Variants in NBEA observed in about 807,000 individuals in gnomAD.
NBEA encodes the protein neurobeachin.
Under a neutral mutation model 343.4 loss-of-function variants are expected in NBEA, and 44 were observed. The observed-to-expected ratio is 0.13, with a 90% CI of 0.10 to 0.16. The LOEUF (loss-of-function observed/expected upper bound fraction) is 0.16, where lower values mean the gene tolerates loss of function less well. Ranked by LOEUF, NBEA falls within the 10% of genes least tolerant of loss-of-function variation. NBEA has a pLI of 1.00. For synonymous variants in NBEA, 1,175 were observed against 1,238.7 expected (o/e 0.95, Z 1.08); for missense variants, 2,555 against 3,631.3 (o/e 0.70, Z 7.62).
chr13:35,560,419 G>A (rs1342127320), intron 44 of NBEA, among the ~76,000 whole-genome samples: 1 of 152,144 alleles, frequency 6.6e-6, no homozygotes, highest in Non-Finnish European at 1.5e-5. Context: ...TGTAGATACT[G>A]ATATTCTAGT....
intron 11 of NBEA, among the ~76,000 whole-genome samples, chr13:35,101,583 T>C (rs2152644404): frequency 6.6e-6 from 1 of 151,982 alleles, no homozygotes. Context: ...AGGAGTTTTT[T>C]TTTAATATTC....
intron 31 of NBEA, among the ~76,000 whole-genome samples, chr13:35,207,800 A>G: frequency 6.6e-6 from 1 of 152,180 alleles, no homozygotes; most frequent in Non-Finnish European, 1.5e-5. Flanking sequence ...CATTCTAATA[A>G]TATTCCTACT....
chr13:35,471,036 G>A (rs1425691121), intron 40 of NBEA, among the ~76,000 whole-genome samples: 1 of 152,174 alleles, frequency 6.6e-6, no homozygotes, highest in Non-Finnish European at 1.5e-5. Flanking sequence ...GGGGGATCGA[G>A]AGCAGTGAAA....
chr13:35,432,289 G>A lies in NBEA; in HGVS notation c.6200G>A (p.Arg2067His), dbSNP rs755782734. 1.9e-5 allele frequency: 31 copies of A among 1,601,118 alleles called. No homozygotes were observed. The highest frequency in any genetic ancestry group is 6.7e-5 in the African/African-American group (5 of 74,548). ...VSHSQLHDFW[R>H]LDYWEDDLRR... ...CTTAGCCAATTGCATGATTTCTGGCGTTTGGATTACTGGGAAGATGATCTT... is the reference window on the plus strand; with the variant it reads ...CTTAGCCAATTGCATGATTTCTGGCATTTGGATTACTGGGAAGATGATCTT... The change falls in exon 39 of 59, where the codon CGT becomes CAT. Residue 2067 changes from arginine (R) to histidine (H), a missense_variant. Physicochemically the swap from Arg to His is conservative, Grantham distance 29 (BLOSUM62 0). Transcript: ENST00000379939.
intron 16 of NBEA, among the ~76,000 whole-genome samples, chr13:35,122,208 A>G (rs1345941876): frequency 1.3e-5 from 2 of 152,106 alleles, no homozygotes; most frequent in East Asian, 3.9e-4. Context: ...TGAACAATAT[A>G]CTTGTTAAAA....
At chr13:35,531,919 A>G (rs1010849070) in intron 41 of NBEA, among the ~76,000 whole-genome samples, 17 of 152,152 alleles carry the variant, frequency 1.1e-4, no homozygotes, top group Admixed American at 8.5e-4. Flanking sequence ...TGCCATATGT[A>G]AAAGCAAAGC....
At chr13:35,238,449 A>G (rs1230098366) in intron 34 of NBEA, among the ~76,000 whole-genome samples, 2 of 152,198 alleles carry the variant, frequency 1.3e-5, no homozygotes, top group Non-Finnish European at 2.9e-5. Context: ...TCCCAGACCA[A>G]CTTCTCTTGC....
Position 35,655,774 on chromosome 13 carries a change from C to G in NBEA, c.8362+25C>G, listed in dbSNP as rs746047823. 15 of 1,585,314 alleles carry G rather than the reference C, an allele frequency of 9.5e-6. No homozygotes were observed. In the African/African-American group the frequency reaches 1.5e-4, roughly 16 times the overall value. On this transcript the variant is annotated intron_variant, in intron 55 of 58. Coordinates refer to ENST00000379939, the MANE Select transcript of NBEA (RefSeq NM_001385012.1). ...AGTGAGTGTTTGTATCAAATTTGTC[C>G]TATCAAACTATAGTTTATTTAAATA...
intron 34 of NBEA, among the ~76,000 whole-genome samples, chr13:35,271,700 G>T (rs1594025672): frequency 6.6e-6 from 1 of 152,300 alleles, no homozygotes; most frequent in South Asian, 2.1e-4. Context: ...CGAGAACTTG[G>T]TGAAGCATAC....
chr13:35,191,464 C>G (rs999784660), intron 30 of NBEA, among the ~76,000 whole-genome samples: 20 of 152,026 alleles, frequency 1.3e-4, no homozygotes, highest in African/African-American at 4.6e-4. Context: ...TCTTTTCATA[C>G]ACTTAGTGTA....
chr13:35,649,959 C>T (rs1293830660), intron 52 of NBEA, 112 bp downstream of exon 52: 2 of 1,068,460 alleles, frequency 1.9e-6, no homozygotes, highest in East Asian at 5.1e-5. Context: ...CTACAAAAAA[C>T]AGCAGACTAA....
chr13:35,022,932 C>T (rs2061897575), intron 1 of NBEA, among the ~76,000 whole-genome samples: 1 of 151,986 alleles, frequency 6.6e-6, no homozygotes, highest in African/African-American at 2.4e-5. Flanking sequence ...TTTCATATAG[C>T]TTTATCTAGA....
intron 17 of NBEA, among the ~76,000 whole-genome samples, chr13:35,140,703 T>C (rs2068039586): frequency 2.6e-5 from 4 of 152,132 alleles, no homozygotes. Flanking sequence ...TGGAGGCTAA[T>C]GTTAGAAGAG....
chr13:34,952,970 C>CA (rs2059393096), intron 1 of NBEA, among the ~76,000 whole-genome samples: 1 of 152,006 alleles, frequency 6.6e-6, no homozygotes, highest in African/African-American at 2.4e-5. Context: ...TCCAAGATGG[C>CA]AAAATTGCTT....
chr13:35,657,389 A>C (rs2084865189), intron 55 of NBEA, among the ~76,000 whole-genome samples: 1 of 152,226 alleles, frequency 6.6e-6, no homozygotes, highest in African/African-American at 2.4e-5. Flanking sequence ...CTTGATTTCC[A>C]ACCAGTTCAA....
intron 10 of NBEA, among the ~76,000 whole-genome samples, chr13:35,085,506 A>G (rs575752828): frequency 6.6e-6 from 1 of 152,320 alleles, no homozygotes; most frequent in East Asian, 1.9e-4. Context: ...CAATAGATGC[A>G]GAAAAGACCT....
At chr13:35,593,503 AT>A (rs1353886776) in intron 47 of NBEA, 56 bp downstream of exon 47, 21 of 1,505,900 alleles carry the variant, frequency 1.4e-5, no homozygotes, top group East Asian at 2.3e-5. Context: ...GGAAATTTTG[AT>A]TTTTTTAAGT....
At chr13:35,585,357 A>C (rs1224071950) in intron 46 of NBEA, among the ~76,000 whole-genome samples, 1 of 152,048 alleles carries the variant, frequency 6.6e-6, no homozygotes, top group Admixed American at 6.6e-5. Context: ...TATTATGCAG[A>C]TAGAGCATCC....
At chr13:35,607,130 G>A (rs1057311355) in intron 48 of NBEA, among the ~76,000 whole-genome samples, 30 of 152,074 alleles carry the variant, frequency 2.0e-4, no homozygotes, top group African/African-American at 6.5e-4. Context: ...GCACACTAAA[G>A]CCTCAAACTC....
Sources: gnomAD v4.1 joint callset for allele counts (sites outside exome capture counted in the v4.1 genomes callset) on GRCh38, gnomAD v4.1.1 for gene constraint, MANE v1.5 for transcripts, NCBI Gene and HGNC (gene_info 2026-07-23, HGNC 2026-07-21) for gene names.